Variants in GPLD1 observed in about 807,000 individuals in gnomAD.
GPLD1 encodes the protein phosphatidylinositol-glycan-specific phospholipase D.
In GPLD1, 84 loss-of-function variants were observed where a neutral mutation model predicts 112.6. The ratio of observed to expected loss-of-function variants is 0.75; its 90% CI spans 0.63 to 0.89. GPLD1 has a LOEUF of 0.89. GPLD1 is among the 40% of genes least tolerant of loss of function. The pLI is 0.00. For missense variants in GPLD1, 1,044 were observed against 1,051.5 expected (o/e 0.99, Z 0.10); for synonymous variants, 386 against 403.8 (o/e 0.96, Z 0.53).
intron 6 of GPLD1, 171 bp downstream of exon 6, chr6:24,473,448 C>T (rs187558675): frequency 3.2e-5 from 14 of 436,548 alleles, no homozygotes; most frequent in Admixed American, 3.1e-4. Flanking sequence ...TTTAGAAATA[C>T]ATCTCTATGT....
At chr6:24,468,631 G>A (rs572828360) in intron 7 of GPLD1, among the ~76,000 whole-genome samples, 8 of 151,456 alleles carry the variant, frequency 5.3e-5, no homozygotes, top group South Asian at 2.1e-4. Context: ...TCGGTTCACC[G>A]CAACCTCCGC....
intron 2 of GPLD1, among the ~76,000 whole-genome samples, chr6:24,483,447 G>A (rs867388364): frequency 2.6e-5 from 4 of 151,442 alleles, no homozygotes; most frequent in Non-Finnish European, 2.9e-5. Context: ...GGGAGGCTGC[G>A]GCGGGTGGAT....
chr6:24,443,519 T>C (rs1037762171), intron 20 of GPLD1, among the ~76,000 whole-genome samples: 1 of 152,204 alleles, frequency 6.6e-6, no homozygotes, highest in Non-Finnish European at 1.5e-5. Context: ...CTTACTCAAA[T>C]AGCCTCCAGT....
At chr6:24,469,011 T>TA (rs1193338435) in intron 7 of GPLD1, among the ~76,000 whole-genome samples, 1 of 152,236 alleles carries the variant, frequency 6.6e-6, no homozygotes, top group Non-Finnish European at 1.5e-5. Flanking sequence ...AAAAGAATTC[T>TA]AAATCAGGCT....
In GPLD1 at chr6:24,427,551, A is replaced by T. The variant is rs1762275209; in HGVS notation, c.*1481T>A. ...ATTGAAAAGGTATTAATCCTCATTA[A>T]GAAAGGATTATCGGCCAGGTCCTGT... On this transcript the variant is annotated 3_prime_UTR_variant, in exon 25 of 25. Coordinates refer to ENST00000230036, the MANE Select transcript of GPLD1 (RefSeq NM_001503.4). Among the ~76,000 whole-genome samples the T allele has an allele frequency of 1.3e-5, 2 of 152,284 alleles. No individual in the cohort carries two copies.
At chr6:24,440,617 G>C (rs934971863) in intron 20 of GPLD1, among the ~76,000 whole-genome samples, 1 of 132,376 alleles carries the variant, frequency 7.6e-6, no homozygotes, top group Admixed American at 7.9e-5. Context: ...TCCAGGTGTT[G>C]TGGCACATGC....
At chr6:24,436,880 G>C (rs7752603) in intron 21 of GPLD1, 144 bp from the exon 22 acceptor site, 26,125 of 862,444 alleles carry the variant, frequency 0.03, 1,250 homozygotes, top group African/African-American at 0.19. Flanking sequence ...CCTGGCAAAG[G>C]CTTTTGTTTC....
At chr6:24,452,408 G>A (rs1581750128) in intron 14 of GPLD1, among the ~76,000 whole-genome samples, 1 of 152,256 alleles carries the variant, frequency 6.6e-6, no homozygotes, top group African/African-American at 2.4e-5. Context: ...CACCTTATTT[G>A]TACATGTTGG....
At chr6:24,449,078 C>T (rs1218743780) in intron 15 of GPLD1, among the ~76,000 whole-genome samples, 8 of 151,862 alleles carry the variant, frequency 5.3e-5, no homozygotes, top group African/African-American at 1.7e-4. Flanking sequence ...ATAGTTTCTG[C>T]AAGAAGTGAC....
chr6:24,445,782 C>G lies in GPLD1; in HGVS notation c.1870G>C (p.Val624Leu), dbSNP rs201973866. The G allele has an allele frequency of 2.2e-4, 354 of 1,613,722 alleles. No homozygotes were observed. The highest frequency in any genetic ancestry group is 2.9e-4 in the Non-Finnish European group (342 of 1,179,948). Residue 624 changes from valine (V) to leucine (L), a missense_variant, in exon 19 of 25, where the codon GTG becomes CTG. Physicochemically the swap from Val to Leu is conservative, Grantham distance 32. Transcript: ENST00000230036. Reference sequence around the variant, plus strand: ...CCGTTTGGTGGGAAGTAGCCATACACCCTCCCAAGGCTCTTTTTCTCATCT... The same window carrying G: ...CCGTTTGGTGGGAAGTAGCCATACAGCCTCCCAAGGCTCTTTTTCTCATCT... ...IRDEKKSLGR[V>L]YGYFPPNGQS...
At chr6:24,492,236 G>A (rs1764575364), upstream of GPLD1, among the ~76,000 whole-genome samples, 1 of 152,150 alleles carries the variant, frequency 6.6e-6, no homozygotes, top group Non-Finnish European at 1.5e-5. Context: ...TGGGCACAGT[G>A]TCTCATGCCT....
chr6:24,464,794 T>C (rs904765034), intron 10 of GPLD1, among the ~76,000 whole-genome samples: 1 of 152,188 alleles, frequency 6.6e-6, no homozygotes, highest in Non-Finnish European at 1.5e-5. Flanking sequence ...GCTCTGCCCT[T>C]TCCCCGATTC....
intron 15 of GPLD1, 38 bp downstream of exon 15, chr6:24,449,751 C>G: frequency 7.0e-7 from 1 of 1,420,322 alleles, no homozygotes. Flanking sequence ...CTCCCTGCCA[C>G]CCCATTCTCC....
chr6:24,472,108 C>T (rs2817246), intron 7 of GPLD1, among the ~76,000 whole-genome samples: 44,601 of 152,024 alleles, frequency 0.29, 6,908 homozygotes, highest in Non-Finnish European at 0.34. Context: ...AAAGGATAAA[C>T]AACCCAACAG....
At chr6:24,464,873 C>T (rs1310560150) in intron 10 of GPLD1, among the ~76,000 whole-genome samples, 1 of 152,150 alleles carries the variant, frequency 6.6e-6, no homozygotes, top group Admixed American at 6.5e-5. Context: ...TGGGGAGAGG[C>T]TGCATGTCCA....
rs772269151 is a variant in GPLD1, at chr6:24,449,899, G to A, written c.1336C>T (p.Pro446Ser). ...EAHRILEGFQ[P>S]SGRFGSALAV... ...AAGGCCGAGCCAAACCGACCTGAGG[G>A]CTGAAGAGGCACAAGTTTACTTCCC... is the stretch of plus-strand genomic sequence containing the variant. Residue 446 changes from proline (P) to serine (S), a missense_variant and splice_region_variant, in exon 15 of 25, where the codon CCC becomes TCC. Transcript: ENST00000230036. The A allele has an allele frequency of 6.2e-7, 1 of 1,608,278 alleles. No individual in the cohort carries two copies. The highest frequency in any genetic ancestry group is 1.1e-5 in the South Asian group (1 of 90,914).
rs1762249620 is a variant in GPLD1, at chr6:24,426,697, AT to A, written c.*2334del. Among the ~76,000 whole-genome samples, 1 of 22,790 alleles carries A rather than the reference AT, an allele frequency of 4.4e-5. No individual in the cohort carries two copies. The highest frequency in any genetic ancestry group is 2.1e-4 in the Non-Finnish European group (1 of 4,874). The allele number at this position is 22,790 out of a possible 152,430, so 15.0% of individuals were successfully genotyped here. ...AAACATCCCTTTACTCAAGTGTCAG[AT>A]GTCAGAGTGCTCTAACTGCTCAACT... is the stretch of plus-strand genomic sequence containing the variant. On this transcript the variant is annotated 3_prime_UTR_variant, in exon 25 of 25. Coordinates refer to ENST00000230036, the MANE Select transcript of GPLD1 (RefSeq NM_001503.4).
At chr6:24,429,216 A>G (rs967549174) in intron 24 of GPLD1, 98 bp from the exon 25 acceptor site, 1 of 679,618 alleles carries the variant, frequency 1.5e-6, no homozygotes, top group Non-Finnish European at 2.5e-6. Flanking sequence ...AAATATAAAG[A>G]TGAATAAGAC....
At chr6:24,459,893 C>A (rs1763380037) in intron 12 of GPLD1, among the ~76,000 whole-genome samples, 1 of 152,140 alleles carries the variant, frequency 6.6e-6, no homozygotes. Flanking sequence ...CAGAACAAAC[C>A]ACATATGGAT....
Sources: gnomAD v4.1 joint callset for allele counts (sites outside exome capture counted in the v4.1 genomes callset) on GRCh38, gnomAD v4.1.1 for gene constraint, MANE v1.5 for transcripts, NCBI Gene and HGNC (gene_info 2026-07-23, HGNC 2026-07-21) for gene names.